ERAP1: variants seen among roughly 807,000 people sequenced by gnomAD.
ERAP1 encodes the protein adipocyte-derived leucine aminopeptidase.
Under a neutral mutation model 103.7 loss-of-function variants are expected in ERAP1, and 86 were observed. That is an observed-to-expected ratio of 0.83 (90% CI 0.70 to 0.99). The LOEUF is 0.99. Among genes scored for constraint, ERAP1 ranks in the 50% least tolerant of loss-of-function variants. ERAP1 has a pLI of 0.00. For missense variants in ERAP1, 1,009 were observed against 1,128.4 expected (o/e 0.89, Z 1.52); for synonymous variants, 398 against 402.4 (o/e 0.99, Z 0.13).
the ERAP1 span, among the ~76,000 whole-genome samples, chr5:96,891,396 TAC>T: frequency 1.0e-4 from 15 of 149,664 alleles, no homozygotes; most frequent in Admixed American, 2.0e-4. Flanking sequence ...TGTGTATACA[TAC>T]ACACACACAT....
chr5:96,802,498 C>T (rs765631574), intron 2 of ERAP1, among the ~76,000 whole-genome samples: 1 of 152,064 alleles, frequency 6.6e-6, no homozygotes, highest in Non-Finnish European at 1.5e-5. Flanking sequence ...ACTTTCTTAC[C>T]TTGATAAAAT....
At chr5:96,790,744 A>C (rs1776642428) in intron 8 of ERAP1, 101 bp from the exon 9 acceptor site, 2 of 1,077,700 alleles carry the variant, frequency 1.9e-6, no homozygotes, top group Non-Finnish European at 2.8e-6. Context: ...TGAAAACGCA[A>C]CTGCAGGAAC....
chr5:96,909,439 A>G, the ERAP1 span: 1 of 701,100 alleles, frequency 1.4e-6, no homozygotes, highest in Non-Finnish European at 2.4e-6. Flanking sequence ...CCAGAAAAAG[A>G]TAAGAGAAAT....
intron 15 of ERAP1, among the ~76,000 whole-genome samples, chr5:96,782,590 G>A (rs950475506): frequency 6.6e-6 from 1 of 152,094 alleles, no homozygotes; most frequent in Non-Finnish European, 1.5e-5. Flanking sequence ...TCCTGGGTGG[G>A]GTTTAAGCTC....
At chr5:96,862,160 C>A in the ERAP1 span, among the ~76,000 whole-genome samples, 101 of 152,088 alleles carry the variant, frequency 6.6e-4, no homozygotes, top group African/African-American at 2.3e-3. Flanking sequence ...TTATTTTTTT[C>A]TTTTTATTTT....
At chr5:96,925,985 A>G in the ERAP1 span, among the ~76,000 whole-genome samples, 11 of 136,798 alleles carry the variant, frequency 8.0e-5, no homozygotes, top group African/African-American at 2.8e-4. Flanking sequence ...ATCTCGGCTC[A>G]CTGCAACCTC....
At position 96,803,922 on chromosome 5, in the gene ERAP1, A is replaced by G. The variant is rs775441063; in HGVS notation, c.5T>C (p.Val2Ala). The G allele has an allele frequency of 6.2e-7, 1 of 1,605,798 alleles. No homozygotes were observed. The highest frequency in any genetic ancestry group is 8.5e-7 in the Non-Finnish European group (1 of 1,179,984). M[V>A]FLPLKWSLAT... ...AAGGGACCATTTGAGGGGCAGAAACACCATCTTCTTGCTCTACCTACCTAG... is the reference window on the plus strand; with the variant it reads ...AAGGGACCATTTGAGGGGCAGAAACGCCATCTTCTTGCTCTACCTACCTAG... The change falls in exon 2 of 19, where the codon GTG becomes GCG. Residue 2 changes from valine (V) to alanine (A), a missense_variant. This residue lies in a region of ERAP1 where 392 missense variants were observed against 455.2 expected (regional missense o/e 0.86). Transcript: ENST00000443439.
At chr5:96,845,916 A>G in the ERAP1 span, among the ~76,000 whole-genome samples, 24 of 152,176 alleles carry the variant, frequency 1.6e-4, 1 homozygote, top group Admixed American at 1.3e-3. Context: ...TTTGAAGATC[A>G]TATGTGAAAA....
chr5:96,849,233 C>T, the ERAP1 span, among the ~76,000 whole-genome samples: 8 of 152,258 alleles, frequency 5.3e-5, no homozygotes, highest in East Asian at 1.5e-3. Flanking sequence ...CTACTTTCAC[C>T]ACTTTTATTT....
intron 5 of ERAP1, 62 bp from the exon 6 acceptor site, chr5:96,794,019 A>C: frequency 6.6e-7 from 1 of 1,526,356 alleles, no homozygotes; most frequent in Non-Finnish European, 9.1e-7. Context: ...CCCAAACACT[A>C]ATCTTCAGAA....
At chr5:96,922,618 C>A in the ERAP1 span, among the ~76,000 whole-genome samples, 1 of 152,182 alleles carries the variant, frequency 6.6e-6, no homozygotes, top group Non-Finnish European at 1.5e-5. Flanking sequence ...AAAGAAAGAT[C>A]TGGTTTGAAA....
At chr5:96,917,918 AAAAAAAAAAAGAAAAAGAAAAAG>A in the ERAP1 span, 1 of 160,388 alleles carries the variant, frequency 6.2e-6, no homozygotes, top group Non-Finnish European at 1.3e-5. Flanking sequence ...AAAAAAAAAA[AAAAAAAAAAAGAAAAAGAAAAAG>A]AAAAGAAAAG....
chr5:96,786,789 C>G, intron 11 of ERAP1: 1 of 476,380 alleles, frequency 2.1e-6, no homozygotes, highest in Non-Finnish European at 3.8e-6. Context: ...TCACGTGAAC[C>G]CTGAAAGCCT....
chr5:96,768,496 G>T, intron 19 of ERAP1: 1 of 409,548 alleles, frequency 2.4e-6, no homozygotes, highest in Non-Finnish European at 4.7e-6. Flanking sequence ...TTATTTTGTG[G>T]ATTTCCTTTT....
chr5:96,832,541 A>G, the ERAP1 span, among the ~76,000 whole-genome samples: 1 of 152,238 alleles, frequency 6.6e-6, no homozygotes, highest in Admixed American at 6.5e-5. Context: ...AAATGTCTTT[A>G]AAGTCTTCCT....
chr5:96,771,514 G>A (rs1269296374), downstream of ERAP1: 2 of 620,196 alleles, frequency 3.2e-6, no homozygotes, highest in Non-Finnish European at 5.7e-6. Flanking sequence ...AGATGAAGAA[G>A]AGAAACTGAA....
the ERAP1 span, among the ~76,000 whole-genome samples, chr5:96,904,390 C>T: frequency 6.6e-6 from 1 of 152,158 alleles, no homozygotes; most frequent in African/African-American, 2.4e-5. Flanking sequence ...ATATAATTTT[C>T]TTTCAGGAGC....
At chr5:96,834,075 C>T in the ERAP1 span, among the ~76,000 whole-genome samples, 1 of 152,212 alleles carries the variant, frequency 6.6e-6, no homozygotes, top group African/African-American at 2.4e-5. Flanking sequence ...TATAGCTTCA[C>T]AGAATGAGAA....
At chr5:96,859,981 C>T in the ERAP1 span, among the ~76,000 whole-genome samples, 9 of 152,082 alleles carry the variant, frequency 5.9e-5, no homozygotes, top group African/African-American at 1.9e-4. Context: ...AATGGCATAT[C>T]GTTTTGTGAT....
Sources: gnomAD v4.1 joint callset for allele counts (sites outside exome capture counted in the v4.1 genomes callset) on GRCh38, gnomAD v4.1.1 for gene constraint, gnomAD v4.1.1 regional missense constraint, MANE v1.5 for transcripts, NCBI Gene and HGNC (gene_info 2026-07-23, HGNC 2026-07-21) for gene names.